The following POLE variants were observed in gnomAD, a reference collection of about 807,000 sequenced individuals.
POLE encodes DNA polymerase epsilon catalytic subunit A.
POLE carries 188 observed loss-of-function variants against 279.2 expected under a neutral mutation model. The observed-to-expected ratio is 0.67, with a 90% CI of 0.60 to 0.76. The LOEUF is 0.76. Ranked by LOEUF, POLE falls within the 30% of genes least tolerant of loss-of-function variation. The pLI, the probability that POLE is intolerant of heterozygous loss-of-function variation, is 0.00. For synonymous variants in POLE, 1,214 were observed against 1,172.5 expected (o/e 1.04, Z -0.72); for missense variants, 2,703 against 3,016.7 (o/e 0.90, Z 2.44).
chr12:132,658,691 C>T (rs1200900312), intron 26 of POLE: 2 of 154,622 alleles, frequency 1.3e-5, no homozygotes, highest in Non-Finnish European at 2.9e-5. Flanking sequence ...AAGACACGCA[C>T]ACTATGATCC....
rs768559928 is a variant in POLE at position 132,641,750 on chromosome 12, C to T, written c.5275G>A (p.Asp1759Asn). Residue 1759 changes from aspartate (D) to asparagine (N), a missense_variant, in exon 39 of 49, where the codon GAC becomes AAC. Around this residue, in one of 5 missense-constraint regions of POLE, gnomAD observed 1,551 missense variants for 1,686.1 expected, o/e 0.92. Coordinates refer to ENST00000320574, the MANE Select transcript of POLE (RefSeq NM_006231.4). ...TCCAGGGAGGCCTGCTGGATCACGTCGAAGCTGATCCCCATGCTGTCGGCC... is the reference window on the plus strand; with the variant it reads ...TCCAGGGAGGCCTGCTGGATCACGTTGAAGCTGATCCCCATGCTGTCGGCC... ...EGADSMGISF[D>N]VIQQASLEDM... is the part of the protein sequence containing the mutation. The T allele has an allele frequency of 2.3e-5, 37 of 1,611,680 alleles. No homozygotes were observed. In the South Asian group the frequency reaches 2.7e-4, roughly 12 times the overall value.
At chr12:132,680,341 C>T (rs1593086687) in intron 3 of POLE, 119 bp from the exon 4 acceptor site, 1 of 921,678 alleles carries the variant, frequency 1.1e-6, no homozygotes, top group East Asian at 2.4e-5. Flanking sequence ...TAGCCTTGAC[C>T]TTGGTAGCAT....
intron 45 of POLE, among the ~76,000 whole-genome samples, chr12:132,630,683 C>T (rs1239959104): frequency 6.6e-6 from 1 of 152,194 alleles, no homozygotes. Flanking sequence ...CGCGCCACTG[C>T]ACCCCAGCCT....
At chr12:132,681,090 G>C (rs2043155805) in intron 2 of POLE, 48 bp downstream of exon 2, 1 of 1,607,682 alleles carries the variant, frequency 6.2e-7, no homozygotes, top group Admixed American at 1.7e-5. Context: ...GCTATGACCA[G>C]AAGGGTTGCA....
At chr12:132,685,136 G>C (rs2043232018) in intron 1 of POLE, among the ~76,000 whole-genome samples, 1 of 125,666 alleles carries the variant, frequency 8.0e-6, no homozygotes, top group Non-Finnish European at 1.7e-5. Context: ...CTCATTCACA[G>C]AGAGCTACCA....
chr12:132,685,388 CTCAT>C (rs2043237392), intron 1 of POLE, among the ~76,000 whole-genome samples: 1 of 152,266 alleles, frequency 6.6e-6, no homozygotes, highest in Non-Finnish European at 1.5e-5. Flanking sequence ...CACATATGCT[CTCAT>C]TCAGTTTTCA....
intron 1 of POLE, among the ~76,000 whole-genome samples, chr12:132,682,139 A>G (rs2136037776): frequency 1.3e-5 from 2 of 152,180 alleles, no homozygotes; most frequent in South Asian, 2.1e-4. Flanking sequence ...CTAAAAATAC[A>G]AAAACTTAGC....
intron 39 of POLE, among the ~76,000 whole-genome samples, chr12:132,640,280 C>A (rs148302424): frequency 2.1e-3 from 326 of 152,324 alleles, no homozygotes; most frequent in Admixed American, 3.7e-3. Flanking sequence ...AGGAACACAT[C>A]TTTGCACTTG....
rs1227900732 is a variant in POLE at position 132,675,677 on chromosome 12, C to T, written c.1106+58G>A. On this transcript the variant is annotated intron_variant, in intron 11 of 48. Transcript: ENST00000320574. This position sits in a 1 kb window ranked among gnomAD's most constrained non-coding sequence, Gnocchi z 4.3. ...CGACATGGGAAGCGCCCCTGCACCA[C>T]GCAACGCCCTCCCTCTCAAATGCTG... 1.6e-5 allele frequency: 25 copies of T among 1,571,202 alleles called. No individual in the cohort carries two copies. Among genetic ancestry groups the T allele is most frequent in the East Asian group, 2.2e-5 (1 of 44,662 alleles).
At chr12:132,676,497 G>C (rs779603796) in intron 9 of POLE, 49 bp downstream of exon 9, 2 of 1,141,064 alleles carry the variant, frequency 1.8e-6, no homozygotes, top group Admixed American at 1.7e-5. Context: ...ATGGGGACCA[G>C]ACAAGGTCCC....
At chr12:132,679,417 T>G (rs2043119690) in intron 6 of POLE, 80 bp downstream of exon 6, 1 of 1,404,824 alleles carries the variant, frequency 7.1e-7, no homozygotes, top group Non-Finnish European at 9.8e-7. Context: ...TTAAGGTAAC[T>G]TTGTTGCTAC....
In POLE at chr12:132,664,454, C is replaced by A. The variant is rs1565961348; in HGVS notation, c.2477G>T (p.Trp826Leu). Reference protein sequence around the residue: ...YGYVMRKGARWYSMEMAGIVC... With the variant: ...YGYVMRKGARLYSMEMAGIVC... ...GATGCCAGCCATCTCCATGGAGTAC[C>A]AGCGAGCCCTGAGAGGACACCACAA... The change falls in exon 22 of 49, where the codon TGG becomes TTG. Residue 826 changes from tryptophan to leucine, a missense_variant. Trp to Leu is a moderately conservative substitution (Grantham distance 61). This residue lies in a region of POLE where 1,011 missense variants were observed against 1,111.7 expected (regional missense o/e 0.91). Transcript: ENST00000320574. This position sits in a 1 kb window ranked among gnomAD's most constrained non-coding sequence, Gnocchi z 5.3. 6.2e-7 allele frequency: 1 copy of A among 1,613,926 alleles called. No individual in the cohort carries two copies. Among genetic ancestry groups the A allele is most frequent in the Non-Finnish European group, 8.5e-7 (1 of 1,179,946 alleles).
In POLE at chr12:132,624,707, A is replaced by T. The variant is rs1555300706; in HGVS notation, c.6851T>A (p.Leu2284Gln). ...LEWLLQKNPQ[L>Q]GH ...GGGGCCCGGGGCTGGCTAATGGCCC[A>T]GCTGTGGGTTCTTCTGCAGCAGCCA... The change falls in exon 49 of 49, where the codon CTG becomes CAG. Residue 2284 changes from leucine to glutamine, a missense_variant. By Grantham distance (113) the Leu-to-Gln change is moderately radical. Around this residue, in one of 5 missense-constraint regions of POLE, gnomAD observed 1,551 missense variants for 1,686.1 expected, o/e 0.92. Coordinates refer to ENST00000320574, the MANE Select transcript of POLE (RefSeq NM_006231.4). 6.2e-7 allele frequency: 1 copy of T among 1,607,270 alleles called. No individual in the cohort carries two copies. The highest frequency in any genetic ancestry group is 1.7e-5 in the Admixed American group (1 of 60,024).
chr12:132,681,275 C>G lies in POLE; in HGVS notation c.67G>C (p.Asp23His), dbSNP rs970095477. The G allele has an allele frequency of 6.2e-7, 1 of 1,614,154 alleles. No homozygotes were observed. Residue 23 changes from aspartate (D) to histidine (H), a missense_variant, in exon 2 of 49, where the codon GAT becomes CAT. Asp to His is a moderately conservative substitution (Grantham distance 81). This residue lies in a region of POLE where 1,011 missense variants were observed against 1,111.7 expected (regional missense o/e 0.91). Coordinates refer to ENST00000320574, the MANE Select transcript of POLE (RefSeq NM_006231.4). ...GCCGAAACTGAGGAAGTGGCGCCAT[C>G]ATCCCTGAGTGAAAGAAGGGAACCC... ...PGADGEASRD[D>H]GATSSVSALK...
chr12:132,635,390 C>T (rs1593714273), intron 42 of POLE, among the ~76,000 whole-genome samples: 1 of 152,252 alleles, frequency 6.6e-6, no homozygotes, highest in Non-Finnish European at 1.5e-5. Flanking sequence ...GCTTTACCTG[C>T]CTGTGCCCTC....
At chr12:132,640,536 C>T (rs990026905) in intron 39 of POLE, among the ~76,000 whole-genome samples, 4 of 152,270 alleles carry the variant, frequency 2.6e-5, no homozygotes, top group Non-Finnish European at 5.9e-5. Context: ...TTGGCCAGTG[C>T]ACTGTACACG....
intron 23 of POLE, among the ~76,000 whole-genome samples, chr12:132,662,996 C>T (rs2042712933): frequency 6.6e-6 from 1 of 152,196 alleles, no homozygotes; most frequent in Non-Finnish European, 1.5e-5. Flanking sequence ...CAGACAATCG[C>T]CAGAGAAAAA....
At position 132,675,717 on chromosome 12, in the gene POLE, G is replaced by A. The variant is rs747360467; in HGVS notation, c.1106+18C>T. ...CTCAAATGCTGCCCAGTTACTCATA[G>A]AGAAGACACAGACTCACCAGTCAAA... On this transcript the variant is annotated intron_variant, in intron 11 of 48. Transcript: ENST00000320574. This position sits in a 1 kb window ranked among gnomAD's most constrained non-coding sequence, Gnocchi z 4.3. 1 of 1,608,936 alleles carries A rather than the reference G, an allele frequency of 6.2e-7. No homozygotes were observed. Among genetic ancestry groups the A allele is most frequent in the Non-Finnish European group, 8.5e-7 (1 of 1,175,376 alleles).
intron 13 of POLE, 44 bp from the exon 14 acceptor site, chr12:132,673,321 G>A: frequency 7.3e-7 from 1 of 1,373,124 alleles, no homozygotes; most frequent in South Asian, 1.2e-5. Context: ...AAAATCAAGA[G>A]CCCAGGGTCA....
Sources: gnomAD v4.1 joint callset for allele counts (sites outside exome capture counted in the v4.1 genomes callset) on GRCh38, gnomAD v4.1.1 for gene constraint, gnomAD v4.1.1 regional missense constraint, Gnocchi (gnomAD v3.1) non-coding constraint, MANE v1.5 for transcripts, NCBI Gene and HGNC (gene_info 2026-07-23, HGNC 2026-07-21) for gene names.